Variants in STIM1 observed in about 807,000 individuals in gnomAD.
The protein encoded by STIM1 is stromal interaction molecule 1.
Under a neutral mutation model 74.7 loss-of-function variants are expected in STIM1, and 25 were observed. The observed-to-expected ratio is 0.33, with a 90% confidence interval of 0.24 to 0.47. The LOEUF (loss-of-function observed/expected upper bound fraction) is 0.47, where lower values mean the gene tolerates loss of function less well. STIM1 is among the 20% of genes least tolerant of loss of function. STIM1 has a pLI of 1.00. For missense variants in STIM1, 728 were observed against 920.8 expected (o/e 0.79, Z 2.71); for synonymous variants, 328 against 348.8 (o/e 0.94, Z 0.66).
chr11:4,046,308 T>C (rs191922429), intron 3 of STIM1, among the ~76,000 whole-genome samples: 1 of 152,260 alleles, frequency 6.6e-6, no homozygotes, highest in East Asian at 1.9e-4. Flanking sequence ...TTCCAACATA[T>C]TCTAGTCTGG....
intron 1 of STIM1, among the ~76,000 whole-genome samples, chr11:3,934,458 T>C (rs1015811826): frequency 1.3e-5 from 2 of 152,200 alleles, no homozygotes; most frequent in African/African-American, 2.4e-5. Context: ...TGTGCCTCCA[T>C]AGCACTTTGT....
intron 1 of STIM1, among the ~76,000 whole-genome samples, chr11:3,865,066 G>A (rs1332357376): frequency 1.3e-5 from 2 of 152,130 alleles, no homozygotes; most frequent in Non-Finnish European, 2.9e-5. Flanking sequence ...TGACTTTGGA[G>A]CCTTTACTAC....
intron 5 of STIM1, among the ~76,000 whole-genome samples, chr11:4,061,343 C>G (rs2094329375): frequency 6.6e-6 from 1 of 152,050 alleles, no homozygotes; most frequent in South Asian, 2.1e-4. Flanking sequence ...TGCATGTAGC[C>G]CATGTGCTGC....
intron 1 of STIM1, among the ~76,000 whole-genome samples, chr11:3,907,701 A>G (rs2092488989): frequency 6.6e-6 from 1 of 152,218 alleles, no homozygotes; most frequent in South Asian, 2.1e-4. Context: ...TCTCAGGGAA[A>G]AAGCCAAAGC....
chr11:4,080,544 G>C (rs1253634440), intron 7 of STIM1, among the ~76,000 whole-genome samples: 1 of 143,380 alleles, frequency 7.0e-6, no homozygotes, highest in Non-Finnish European at 1.5e-5. Flanking sequence ...TTGGCTCACT[G>C]CAGTCTTGAC....
intron 5 of STIM1, among the ~76,000 whole-genome samples, chr11:4,062,895 T>C (rs1221538707): frequency 1.3e-5 from 2 of 151,952 alleles, no homozygotes; most frequent in African/African-American, 4.8e-5. Context: ...AAAAAAATGG[T>C]ATATACATAC....
intron 1 of STIM1, among the ~76,000 whole-genome samples, chr11:3,900,233 C>T (rs956673003): frequency 3.1e-4 from 47 of 152,146 alleles, no homozygotes; most frequent in East Asian, 9.6e-4. Context: ...TATGACCCTC[C>T]GAGCCAGGTG....
chr11:4,004,710 G>A (rs1417826157), intron 2 of STIM1, among the ~76,000 whole-genome samples: 1 of 148,194 alleles, frequency 6.7e-6, no homozygotes, highest in Non-Finnish European at 1.5e-5. Flanking sequence ...CAAAAGCAAT[G>A]GCAACAAAAG....
chr11:4,033,440 TC>T (rs926241361), intron 3 of STIM1, among the ~76,000 whole-genome samples: 1 of 152,180 alleles, frequency 6.6e-6, no homozygotes, highest in African/African-American at 2.4e-5. Flanking sequence ...CACATTTTTT[TC>T]CATAGACAGT....
At chr11:3,917,516 C>A (rs2135507103) in intron 1 of STIM1, among the ~76,000 whole-genome samples, 1 of 150,802 alleles carries the variant, frequency 6.6e-6, no homozygotes, top group Middle Eastern at 3.4e-3. Flanking sequence ...TTCACTGCAA[C>A]CTTTACCTCC....
At chr11:3,913,352 T>C (rs1395678005) in intron 1 of STIM1, among the ~76,000 whole-genome samples, 4 of 149,372 alleles carry the variant, frequency 2.7e-5, no homozygotes, top group Admixed American at 1.3e-4. Context: ...CATGCCTGGC[T>C]ATTTTTTTTT....
At chr11:4,063,673 CT>C (rs1407554497) in intron 5 of STIM1, among the ~76,000 whole-genome samples, 1 of 152,144 alleles carries the variant, frequency 6.6e-6, no homozygotes, top group Non-Finnish European at 1.5e-5. Flanking sequence ...GCCTGAACAG[CT>C]TTTTTTGTAG....
intron 1 of STIM1, among the ~76,000 whole-genome samples, chr11:3,949,305 C>T (rs1565125129): frequency 6.6e-6 from 1 of 152,096 alleles, no homozygotes; most frequent in Admixed American, 6.5e-5. Context: ...TACAAAGCCA[C>T]AAAGTGAGCC....
intron 2 of STIM1, among the ~76,000 whole-genome samples, chr11:4,002,151 C>A (rs1294835192): frequency 3.5e-5 from 5 of 144,122 alleles, no homozygotes; most frequent in African/African-American, 1.3e-4. Context: ...GACTTTAACA[C>A]CCCACTGTCA....
intron 5 of STIM1, among the ~76,000 whole-genome samples, chr11:4,067,190 G>A (rs946928525): frequency 6.6e-6 from 1 of 152,186 alleles, no homozygotes; most frequent in African/African-American, 2.4e-5. Flanking sequence ...TTACAGCTGA[G>A]GAAGCTGAGG....
At chr11:3,981,294 G>C (rs561673079) in intron 2 of STIM1, among the ~76,000 whole-genome samples, 46 of 152,242 alleles carry the variant, frequency 3.0e-4, no homozygotes, top group African/African-American at 1.1e-3. Flanking sequence ...GAGAGTACTT[G>C]GCATGAACCT....
At chr11:4,010,223 T>G (rs995873287) in intron 2 of STIM1, among the ~76,000 whole-genome samples, 2 of 151,270 alleles carry the variant, frequency 1.3e-5, no homozygotes, top group Non-Finnish European at 2.9e-5. Flanking sequence ...CAGGCTGTAG[T>G]GCAGTGGCAT....
chr11:4,005,138 C>G (rs1261301550), intron 2 of STIM1, among the ~76,000 whole-genome samples: 1 of 152,182 alleles, frequency 6.6e-6, no homozygotes, highest in African/African-American at 2.4e-5. Flanking sequence ...GTTGGTGGGA[C>G]TGTAAACTAG....
intron 1 of STIM1, among the ~76,000 whole-genome samples, chr11:3,942,184 G>C (rs780577341): frequency 2.0e-5 from 3 of 152,174 alleles, no homozygotes; most frequent in Non-Finnish European, 2.9e-5. Flanking sequence ...AGGTAAGAAT[G>C]GATATGGTGT....
Sources: allele counts gnomAD v4.1 joint callset (sites outside exome capture counted in the v4.1 genomes callset), GRCh38; gene constraint gnomAD v4.1.1; transcripts MANE v1.5; gene names NCBI Gene and HGNC (gene_info 2026-07-23, HGNC 2026-07-21).